MICAL3: variants seen among roughly 807,000 people sequenced by gnomAD.
The protein encoded by MICAL3 is [F-actin]-monooxygenase MICAL3.
MICAL3 carries 62 observed loss-of-function variants against 207.4 expected under a neutral mutation model. The ratio of observed to expected loss-of-function variants is 0.30; its 90% confidence interval spans 0.24 to 0.37. MICAL3 has a LOEUF of 0.37. MICAL3 is among the 10% of genes least tolerant of loss of function. The pLI is 1.00. For synonymous variants in MICAL3, 1,077 were observed against 1,069.3 expected (o/e 1.01, Z -0.14); for missense variants, 2,368 against 2,635.6 (o/e 0.90, Z 2.22).
rs191553548 is a variant in MICAL3, at chr22:17,957,999, C to A, written c.-74-51113G>T. Among the ~76,000 whole-genome samples the A allele has an allele frequency of 2.5e-3, 373 of 152,238 alleles. 6 individuals are homozygous for A. The highest frequency in any genetic ancestry group is 7.5e-3 in the East Asian group (39 of 5,170). ...ACCAAGGAAGATTCATCCCAAAAAA[C>A]CTAAAAATTCCACATTACCCATAAC... is the stretch of plus-strand genomic sequence containing the variant. On this transcript the variant is annotated intron_variant, in intron 1 of 31. Coordinates refer to ENST00000441493, the MANE Select transcript of MICAL3 (RefSeq NM_015241.3).
At chr22:17,810,256 G>T in intron 28 of MICAL3, among the ~76,000 whole-genome samples, 1 of 151,916 alleles carries the variant, frequency 6.6e-6, no homozygotes, top group East Asian at 1.9e-4. Context: ...TAGAGACGGG[G>T]GTTTCACCGT....
intron 20 of MICAL3, among the ~76,000 whole-genome samples, chr22:17,839,206 C>T (rs1191668748): frequency 6.6e-6 from 1 of 151,422 alleles, no homozygotes; most frequent in African/African-American, 2.4e-5. Flanking sequence ...GCTTTGGCCT[C>T]CCGGAGTACT....
chr22:17,790,201 C>T lies in MICAL3; in HGVS notation c.*531G>A, dbSNP rs909783391. 3 of 153,300 alleles carry T rather than the reference C, an allele frequency of 2.0e-5. No individual in the cohort carries two copies. The highest frequency in any genetic ancestry group is 7.2e-5 in the African/African-American group (3 of 41,456). 9.5% of individuals were successfully genotyped at this position (153,300 alleles called of 1,614,324 possible). A position where few individuals can be genotyped will look rare whatever the true frequency, so the allele number is the denominator to read the frequency against. ...ATAATAATTCAGGAGCCTGCCCGCA[C>T]CTCCATGTCTCCTGTGATGCTGGGG... On this transcript the variant is annotated 3_prime_UTR_variant, in exon 32 of 32. Transcript: ENST00000441493.
intron 1 of MICAL3, among the ~76,000 whole-genome samples, chr22:17,999,155 C>T (rs112886204): frequency 6.6e-5 from 10 of 152,210 alleles, no homozygotes; most frequent in African/African-American, 2.4e-4. Context: ...GTGAAACCAA[C>T]GACAACCAAA....
chr22:17,860,367 C>T, intron 19 of MICAL3: 1 of 985,454 alleles, frequency 1.0e-6, no homozygotes, highest in Non-Finnish European at 1.2e-6. Context: ...GGGCAGTAGA[C>T]AGGCAGCAGT....
intron 20 of MICAL3, among the ~76,000 whole-genome samples, chr22:17,839,254 C>A (rs1923733992): frequency 1.0e-5 from 1 of 97,200 alleles, no homozygotes; most frequent in African/African-American, 5.9e-5. Context: ...AGGCCGGGCT[C>A]TTCATTTTTT....
chr22:17,839,261 T>TG (rs1371516527), intron 20 of MICAL3, among the ~76,000 whole-genome samples: 1 of 137,672 alleles, frequency 7.3e-6, no homozygotes, highest in East Asian at 2.0e-4. Flanking sequence ...GCTCTTCATT[T>TG]TTTTTTTTTT....
chr22:17,849,868 A>G (rs1215012524), intron 19 of MICAL3, among the ~76,000 whole-genome samples: 1 of 147,910 alleles, frequency 6.8e-6, no homozygotes, highest in East Asian at 2.0e-4. Flanking sequence ...TAATTTTTAT[A>G]TTTTTAGTAC....
chr22:17,977,524 G>A (rs1420935498), intron 1 of MICAL3, among the ~76,000 whole-genome samples: 3 of 143,712 alleles, frequency 2.1e-5, no homozygotes, highest in Admixed American at 1.4e-4. Flanking sequence ...ATACCCACTA[G>A]GAAGACTATA....
In MICAL3 at chr22:17,926,833, C is replaced by T. The variant is rs180835971; in HGVS notation, c.-74-19947G>A. Among the ~76,000 whole-genome samples the T allele has an allele frequency of 2.6e-3, 394 of 152,330 alleles. 2 individuals are homozygous for T. Among genetic ancestry groups the T allele is most frequent in the African/African-American group, 8.7e-3 (362 of 41,582 alleles). ...TATTCCTTCCTTTCTAACGTCACTG[C>T]ATTGGACTTCATTATCTCTACCTGG... On this transcript the variant is annotated intron_variant, in intron 1 of 31. Transcript: ENST00000441493.
chr22:17,877,247 GGTT>G (rs1928740586), intron 16 of MICAL3, among the ~76,000 whole-genome samples: 1 of 93,748 alleles, frequency 1.1e-5, no homozygotes. Context: ...AGGTTAGGGA[GGTT>G]AGGGAGGTTA....
At chr22:18,016,396 C>A (rs370627238) in intron 1 of MICAL3, among the ~76,000 whole-genome samples, 4 of 152,224 alleles carry the variant, frequency 2.6e-5, no homozygotes, top group South Asian at 2.1e-4. Context: ...GTATAATTCA[C>A]ATATCAAAAA....
chr22:17,877,283 G>A (rs796326715), intron 16 of MICAL3, among the ~76,000 whole-genome samples: 157 of 76,454 alleles, frequency 2.1e-3, no homozygotes, highest in Non-Finnish European at 2.6e-3. Context: ...AGGTTAGGGA[G>A]GTTATGGAGG....
intron 20 of MICAL3, among the ~76,000 whole-genome samples, chr22:17,832,742 T>TG (rs1194046105): frequency 4.1e-5 from 6 of 147,826 alleles, no homozygotes; most frequent in Admixed American, 2.0e-4. Context: ...GTGGGTGTGG[T>TG]GGGGGGAGGG....
At chr22:17,865,836 G>A (rs1485498356) in intron 18 of MICAL3, 88 bp downstream of exon 18, 8 of 1,021,286 alleles carry the variant, frequency 7.8e-6, no homozygotes, top group Non-Finnish European at 1.2e-5. Context: ...GGACGCAGGG[G>A]CATTTGCAGG....
At chr22:17,840,034 G>C (rs1923849278) in intron 20 of MICAL3, 1 of 145,130 alleles carries the variant, frequency 6.9e-6, no homozygotes, top group African/African-American at 2.6e-5. Context: ...AGGTTCAAGT[G>C]ATTCTCCTGT....
At chr22:18,020,845 C>A (rs546997177) in intron 1 of MICAL3, among the ~76,000 whole-genome samples, 1 of 151,342 alleles carries the variant, frequency 6.6e-6, no homozygotes, top group Admixed American at 6.6e-5. Flanking sequence ...ACCTGGGAAG[C>A]GGAGGCTGCA....
intron 1 of MICAL3, among the ~76,000 whole-genome samples, chr22:18,008,470 A>C (rs1272033400): frequency 6.6e-6 from 1 of 152,232 alleles, no homozygotes; most frequent in Non-Finnish European, 1.5e-5. Context: ...TCAAGAAGGA[A>C]GAACAGAGTG....
chr22:17,817,419 T>C lies in MICAL3; in HGVS notation c.5242A>G (p.Lys1748Glu). 6.2e-7 allele frequency: 1 copy of C among 1,613,530 alleles called. No homozygotes were observed. The highest frequency in any genetic ancestry group is 8.5e-7 in the Non-Finnish European group (1 of 1,179,866). The change falls in exon 26 of 32, where the codon AAG becomes GAG. Residue 1748 changes from lysine to glutamate, a missense_variant. Physicochemically the swap from Lys to Glu is moderately conservative, Grantham distance 56. Coordinates refer to ENST00000441493, the MANE Select transcript of MICAL3 (RefSeq NM_015241.3). ...SLWKSVFSGYKKDKKKKADDK... is the reference protein window; with the variant it reads ...SLWKSVFSGYEKDKKKKADDK... ...TCGGCCTTCTTCTTCTTGTCCTTCT[T>C]GTACCCGGAGAAGACGGACTTCCAC...
Sources: allele counts gnomAD v4.1 joint callset (sites outside exome capture counted in the v4.1 genomes callset), GRCh38; gene constraint gnomAD v4.1.1; transcripts MANE v1.5; gene names NCBI Gene and HGNC (gene_info 2026-07-23, HGNC 2026-07-21).